Variants in PHACTR1 observed in about 807,000 individuals in gnomAD.
PHACTR1 encodes the protein phosphatase and actin regulator 1, also known as RPEL repeat containing 1.
Under a neutral mutation model 69.2 loss-of-function variants are expected in PHACTR1, and 16 were observed. The ratio of observed to expected loss-of-function variants is 0.23; its 90% confidence interval spans 0.16 to 0.35. PHACTR1 has a LOEUF of 0.35. PHACTR1 is among the 10% of genes least tolerant of loss of function. PHACTR1 has a pLI of 1.00. For missense variants in PHACTR1, 510 were observed against 734.7 expected (o/e 0.69, Z 3.54); for synonymous variants, 312 against 284.5 (o/e 1.10, Z -0.97).
intron 5 of PHACTR1, among the ~76,000 whole-genome samples, chr6:13,104,448 C>T (rs1815758772): frequency 1.3e-5 from 2 of 152,126 alleles, no homozygotes; most frequent in Admixed American, 1.3e-4. Flanking sequence ...TGACAGGGAC[C>T]TTGCCAATAT....
Position 12,827,130 on chromosome 6 carries a change from T to C in PHACTR1, c.250+77340T>C, listed in dbSNP as rs140381526. Among the ~76,000 whole-genome samples, 569 of 152,322 alleles carry C rather than the reference T, an allele frequency of 3.7e-3. 6 individuals carry two copies. Among genetic ancestry groups the C allele is most frequent in the Non-Finnish European group, 1.6e-3 (109 of 68,030 alleles). ...GAAAACAACCCATCTTGAGATAATG[T>C]TGCTGGCTAACATTCCCGGAGTTTT... On this transcript the variant is annotated intron_variant, in intron 4 of 14. Transcript: ENST00000332995.
At chr6:12,780,358 T>C (rs1770668805) in intron 4 of PHACTR1, among the ~76,000 whole-genome samples, 2 of 151,762 alleles carry the variant, frequency 1.3e-5, no homozygotes, top group Admixed American at 1.3e-4. Flanking sequence ...AGACACAGCT[T>C]CATATAAAAG....
In PHACTR1 at chr6:13,105,391, CG is replaced by C. The variant is rs545879543; in HGVS notation, c.415+51867del. Among the ~76,000 whole-genome samples, 260 of 149,526 alleles carry C rather than the reference CG, an allele frequency of 1.7e-3. 1 individual carries two copies. Among genetic ancestry groups the C allele is most frequent in the African/African-American group, 6.2e-3 (255 of 41,010 alleles). On this transcript the variant is annotated intron_variant, in intron 5 of 14. Transcript: ENST00000332995. Reference sequence around the variant, plus strand: ...GAGACACTGTCTCTGGCGTGTGTGTCGGGGGCGGGGTGGGGGTGTGGAGGGA... The same window carrying C: ...GAGACACTGTCTCTGGCGTGTGTGTCGGGGCGGGGTGGGGGTGTGGAGGGA...
chr6:12,992,821 T>C (rs963842267), intron 4 of PHACTR1, among the ~76,000 whole-genome samples: 2 of 152,174 alleles, frequency 1.3e-5, no homozygotes, highest in South Asian at 4.1e-4. Context: ...GGCAGGGGTT[T>C]ATAGACGAGC....
chr6:12,999,894 T>C (rs546922644), intron 4 of PHACTR1, among the ~76,000 whole-genome samples: 53 of 152,366 alleles, frequency 3.5e-4, no homozygotes, highest in Admixed American at 2.9e-3. Context: ...TAGGACTCCA[T>C]GTTAACATTT....
At chr6:12,742,909 T>C (rs1481038467) in intron 3 of PHACTR1, among the ~76,000 whole-genome samples, 3 of 152,146 alleles carry the variant, frequency 2.0e-5, no homozygotes, top group African/African-American at 7.2e-5. Context: ...AGTAAGCTTA[T>C]CTGGCATTCC....
chr6:13,081,832 CAAT>C (rs1811431123), intron 5 of PHACTR1, among the ~76,000 whole-genome samples: 1 of 152,060 alleles, frequency 6.6e-6, no homozygotes, highest in South Asian at 2.1e-4. Context: ...GTCTCTAAAA[CAAT>C]AAAAACAAGA....
At chr6:13,284,612 T>C (rs1338851244) in intron 13 of PHACTR1, among the ~76,000 whole-genome samples, 2 of 142,914 alleles carry the variant, frequency 1.4e-5, no homozygotes, top group African/African-American at 5.4e-5. Flanking sequence ...ATAATGATTC[T>C]GCCCAATGTG....
chr6:13,031,588 C>A (rs1462038451), intron 4 of PHACTR1, among the ~76,000 whole-genome samples: 1 of 151,156 alleles, frequency 6.6e-6, no homozygotes, highest in African/African-American at 2.4e-5. Context: ...TGCCACATTA[C>A]ATGTGGCTGG....
At position 13,245,771 on chromosome 6, in the gene PHACTR1, G is replaced by T. The variant is rs1054311052; in HGVS notation, c.1391+15578G>T. Among the ~76,000 whole-genome samples the T allele has an allele frequency of 6.6e-6, 1 of 152,086 alleles. No individual in the cohort carries two copies. The highest frequency in any genetic ancestry group is 1.5e-5 in the Non-Finnish European group (1 of 68,004). The stretch of plus-strand genomic sequence containing the variant: ...GGTATTTCCTAGGTTATCTTCCAGG[G>T]TTTTTATAGTTTTAGGTTTTAAGTC... On this transcript the variant is annotated intron_variant, in intron 10 of 14. Transcript: ENST00000332995. The surrounding 1 kb of genome is among the most constrained non-coding windows in gnomAD (Gnocchi z 4.1).
chr6:12,750,726 C>T (rs1757848860), intron 4 of PHACTR1, among the ~76,000 whole-genome samples: 1 of 152,164 alleles, frequency 6.6e-6, no homozygotes, highest in South Asian at 2.1e-4. Context: ...GTGCCTTACT[C>T]GTGTGTGGTC....
At chr6:12,829,698 T>C (rs1211605836) in intron 4 of PHACTR1, among the ~76,000 whole-genome samples, 1 of 151,814 alleles carries the variant, frequency 6.6e-6, no homozygotes, top group Non-Finnish European at 1.5e-5. Flanking sequence ...CTCATGCCTG[T>C]AATCCCAGCA....
chr6:13,130,733 G>A (rs1415307856), intron 5 of PHACTR1, among the ~76,000 whole-genome samples: 1 of 152,140 alleles, frequency 6.6e-6, no homozygotes, highest in Non-Finnish European at 1.5e-5. Context: ...GACATTCAAA[G>A]GAGAATTGGT....
intron 5 of PHACTR1, among the ~76,000 whole-genome samples, chr6:13,097,683 A>G (rs1235984715): frequency 3.9e-5 from 6 of 152,184 alleles, no homozygotes; most frequent in African/African-American, 1.4e-4. Flanking sequence ...TGGCAGCCTC[A>G]GTGGGGCCTC....
chr6:13,016,386 T>A (rs1800175357), intron 4 of PHACTR1, among the ~76,000 whole-genome samples: 1 of 152,228 alleles, frequency 6.6e-6, no homozygotes, highest in South Asian at 2.1e-4. Flanking sequence ...CACAGAAAAT[T>A]CTGATACAAC....
chr6:12,794,771 G>A (rs1473045104), intron 4 of PHACTR1, among the ~76,000 whole-genome samples: 2 of 152,112 alleles, frequency 1.3e-5, no homozygotes, highest in Admixed American at 6.5e-5. Flanking sequence ...TGTTTGTCTG[G>A]TGGCTGCCAT....
At chr6:12,976,159 C>T (rs1375120332) in intron 4 of PHACTR1, among the ~76,000 whole-genome samples, 1 of 152,182 alleles carries the variant, frequency 6.6e-6, no homozygotes, top group Non-Finnish European at 1.5e-5. Context: ...GAATTCTAAG[C>T]TTCAATCATT....
chr6:13,037,273 G>T (rs940951080), intron 4 of PHACTR1, among the ~76,000 whole-genome samples: 5 of 152,126 alleles, frequency 3.3e-5, no homozygotes, highest in Non-Finnish European at 7.4e-5. Flanking sequence ...CTAAGTGTGA[G>T]AAAGCCATTC....
chr6:13,117,570 C>T (rs1817998693), intron 5 of PHACTR1, among the ~76,000 whole-genome samples: 1 of 152,164 alleles, frequency 6.6e-6, no homozygotes, highest in Admixed American at 6.5e-5. Context: ...TGTTGTGTAA[C>T]CAGTTAGTAC....
Sources: allele counts gnomAD v4.1 joint callset (sites outside exome capture counted in the v4.1 genomes callset), GRCh38; gene constraint gnomAD v4.1.1; non-coding constraint Gnocchi (gnomAD v3.1); transcripts MANE v1.5; gene names NCBI Gene and HGNC (gene_info 2026-07-23, HGNC 2026-07-21).